The following RAP2A variants were observed in gnomAD, a reference collection of about 807,000 sequenced individuals.
The protein encoded by RAP2A is RAP2A, member of RAS oncogene family, also known as ras-related protein Rap-2a.
Under a neutral mutation model 15.1 loss-of-function variants are expected in RAP2A, and 5 were observed. The observed-to-expected ratio is 0.33, with a 90% CI of 0.17 to 0.70. The LOEUF is 0.70. Among genes scored for constraint, RAP2A ranks in the 30% least tolerant of loss-of-function variants. The pLI is 0.68. For synonymous variants in RAP2A, 110 were observed against 99.7 expected (o/e 1.10, Z -0.62); for missense variants, 111 against 240.3 (o/e 0.46, Z 3.56).
rs1202307501 is a variant in RAP2A at position 97,468,883 on chromosome 13, T to C, written c.*4441T>C. ...TCTGTTAGAGGTCCACGAATGAAAATATATGTAGCTAAAGGAGTAAGGTGC... is the reference window on the plus strand; with the variant it reads ...TCTGTTAGAGGTCCACGAATGAAAACATATGTAGCTAAAGGAGTAAGGTGC... On this transcript the variant is annotated 3_prime_UTR_variant, in exon 2 of 2. Coordinates refer to ENST00000245304, the MANE Select transcript of RAP2A (RefSeq NM_021033.7). 1 of 152,154 alleles carries C rather than the reference T, an allele frequency of 6.6e-6. No individual in the cohort carries two copies. Among genetic ancestry groups the C allele is most frequent in the African/African-American group, 2.4e-5 (1 of 41,448 alleles). The allele number at this position is 152,154 out of a possible 1,614,324, so 9.4% of individuals were successfully genotyped here. A position where few individuals can be genotyped will look rare whatever the true frequency, so the allele number is the denominator to read the frequency against.
chr13:97,434,526 T>C lies in RAP2A; in HGVS notation c.56T>C (p.Leu19Pro). The stretch of plus-strand genomic sequence containing the variant: ...TCGGGCGGGGTAGGCAAATCCGCCC[T>C]GACCGTGCAGTTCGTGACCGGCACC... The part of the protein sequence containing the change: ...LGSGGVGKSA[L>P]TVQFVTGTFI... The change falls in exon 1 of 2, where the codon CTG becomes CCG. Residue 19 changes from leucine (L) to proline (P), a missense_variant. By Grantham distance (98) the Leu-to-Pro change is moderately conservative (BLOSUM62 -3). This residue lies in a region of RAP2A where 20 missense variants were observed against 28.2 expected (regional missense o/e 0.71). Transcript: ENST00000245304. 1 of 1,613,864 alleles carries C rather than the reference T, an allele frequency of 6.2e-7. No homozygotes were observed. Among genetic ancestry groups the C allele is most frequent in the South Asian group, 1.1e-5 (1 of 91,074 alleles).
chr13:97,441,783 A>G (rs1285386343), intron 1 of RAP2A: 2 of 451,210 alleles, frequency 4.4e-6, no homozygotes, highest in Non-Finnish European at 8.9e-6. Context: ...TGTTGTAAAA[A>G]GAGTTTTAAG....
At chr13:97,449,983 T>A (rs1469548840) in intron 1 of RAP2A, among the ~76,000 whole-genome samples, 1 of 151,930 alleles carries the variant, frequency 6.6e-6, no homozygotes, top group Non-Finnish European at 1.5e-5. Context: ...TTTTTAAGTT[T>A]TATTTAGTGT....
At chr13:97,435,549 C>T (rs1401178240) in intron 1 of RAP2A, among the ~76,000 whole-genome samples, 1 of 148,022 alleles carries the variant, frequency 6.8e-6, no homozygotes, top group African/African-American at 2.5e-5. Flanking sequence ...AAAAGTGTGA[C>T]ACAAGTATTA....
chr13:97,452,896 G>T lies in RAP2A; in HGVS notation c.315-11309G>T, dbSNP rs1025265171. On this transcript the variant is annotated intron_variant, in intron 1 of 1. Transcript: ENST00000245304. ...TATTTTCAGTATTTGCTGTTCTTTG[G>T]TGCTACTGTAAATGGTTCATTTTAA... 2.0e-5 allele frequency among the ~76,000 whole-genome samples: 3 copies of T among 150,880 alleles called. No homozygotes were observed. In the South Asian group the frequency reaches 6.3e-4, roughly 32 times the overall value.
At chr13:97,454,173 T>C (rs1203783179) in intron 1 of RAP2A, among the ~76,000 whole-genome samples, 3 of 151,388 alleles carry the variant, frequency 2.0e-5, no homozygotes, top group Non-Finnish European at 2.9e-5. Context: ...TTATATGATA[T>C]ATCTTTTTCT....
chr13:97,443,932 C>T (rs531832507), intron 1 of RAP2A, among the ~76,000 whole-genome samples: 5 of 152,160 alleles, frequency 3.3e-5, no homozygotes, highest in East Asian at 1.9e-4. Flanking sequence ...CGTGAGATAA[C>T]GAACGTAAAG....
intron 1 of RAP2A, among the ~76,000 whole-genome samples, chr13:97,438,218 A>G (rs761118771): frequency 2.0e-4 from 31 of 152,202 alleles, no homozygotes; most frequent in Non-Finnish European, 4.4e-4. Context: ...AAGTTCTTGG[A>G]ACATGATATA....
At chr13:97,444,042 G>A (rs570788387) in intron 1 of RAP2A, among the ~76,000 whole-genome samples, 5 of 152,278 alleles carry the variant, frequency 3.3e-5, no homozygotes, top group East Asian at 1.9e-4. Context: ...ATACTGCCAC[G>A]TGACTTCTTA....
chr13:97,449,563 C>G (rs546726468), intron 1 of RAP2A, among the ~76,000 whole-genome samples: 19 of 152,138 alleles, frequency 1.2e-4, no homozygotes, highest in Non-Finnish European at 2.5e-4. Context: ...TCCCTTGCCC[C>G]ACAGTGAATT....
At position 97,468,236 on chromosome 13, in the gene RAP2A, A is replaced by G. The variant is rs2066781158; in HGVS notation, c.*3794A>G. 2 of 152,260 alleles carry G rather than the reference A, an allele frequency of 1.3e-5. No individual in the cohort carries two copies. The highest frequency in any genetic ancestry group is 4.8e-5 in the African/African-American group (2 of 41,474). 9.4% of individuals were successfully genotyped at this position (152,260 alleles called of 1,614,324 possible). A position where few individuals can be genotyped will look rare whatever the true frequency, so the allele number is the denominator to read the frequency against. On this transcript the variant is annotated 3_prime_UTR_variant, in exon 2 of 2. Transcript: ENST00000245304. ...TAAACTTATCTCTACAAATGATTTT[A>G]TATTTTGAATGGTAGCTGGTTAATT...
chr13:97,436,540 A>G (rs1283634458), intron 1 of RAP2A, among the ~76,000 whole-genome samples: 1 of 152,210 alleles, frequency 6.6e-6, no homozygotes, highest in Non-Finnish European at 1.5e-5. Flanking sequence ...ACCCATGGCT[A>G]ACTTCTTGAC....
chr13:97,454,373 T>G (rs1042764458), intron 1 of RAP2A, among the ~76,000 whole-genome samples: 1 of 151,306 alleles, frequency 6.6e-6, no homozygotes, highest in African/African-American at 2.4e-5. Context: ...TTTTTTCACC[T>G]GCTTATTTTT....
rs149231901 is a variant in RAP2A at position 97,458,914 on chromosome 13, G to A, written c.315-5291G>A. Among the ~76,000 whole-genome samples the A allele has an allele frequency of 2.1e-3, 316 of 152,102 alleles. 1 individual carries two copies. The highest frequency in any genetic ancestry group is 7.1e-3 in the African/African-American group (293 of 41,498). On this transcript the variant is annotated intron_variant, in intron 1 of 1. Transcript: ENST00000245304. Reference sequence around the variant, plus strand: ...GCCAGTATTTCTGATGTTTCATTCAGTCCATTAAGCAGAGCTGCTTAAAAG... The same window carrying A: ...GCCAGTATTTCTGATGTTTCATTCAATCCATTAAGCAGAGCTGCTTAAAAG...
intron 1 of RAP2A, among the ~76,000 whole-genome samples, chr13:97,441,345 A>G (rs2066656828): frequency 6.6e-6 from 1 of 152,162 alleles, no homozygotes; most frequent in South Asian, 2.1e-4. Flanking sequence ...ACATTAAGGA[A>G]GAGGTAGAGG....
At position 97,434,320 on chromosome 13, in the gene RAP2A, CGCCGGCGCCCAGGGGGCCGCCGCGGCT is replaced by C. The variant is rs2066622826; in HGVS notation, c.-149_-123del. 1.7e-5 allele frequency: 8 copies of C among 461,758 alleles called. No individual in the cohort carries two copies. The highest frequency in any genetic ancestry group is 2.2e-5 in the Non-Finnish European group (8 of 356,036). The allele number at this position is 461,758 out of a possible 1,614,324, so 28.6% of individuals were successfully genotyped here. On this transcript the variant is annotated 5_prime_UTR_variant, in exon 1 of 2. Coordinates refer to ENST00000245304, the MANE Select transcript of RAP2A (RefSeq NM_021033.7). ...CTGCTCCCTCAGTTGCCGCCGCCGC[CGCCGGCGCCCAGGGGGCCGCCGCGGCT>C]GTGAGGTGGGGGCGGCAGCGGGAGG... is the stretch of plus-strand genomic sequence containing the variant.
chr13:97,447,367 G>A (rs2066684204), intron 1 of RAP2A, among the ~76,000 whole-genome samples: 1 of 152,182 alleles, frequency 6.6e-6, no homozygotes, highest in Non-Finnish European at 1.5e-5. Flanking sequence ...AGGGTGTACT[G>A]TTTATAAAAG....
intron 1 of RAP2A, among the ~76,000 whole-genome samples, chr13:97,463,355 C>A (rs1038605509): frequency 1.3e-5 from 2 of 152,176 alleles, no homozygotes; most frequent in African/African-American, 4.8e-5. Context: ...TTTCTTATCA[C>A]TTACTATTTT....
intron 1 of RAP2A, among the ~76,000 whole-genome samples, chr13:97,452,879 G>A (rs1413664253): frequency 6.6e-6 from 1 of 151,062 alleles, no homozygotes; most frequent in Admixed American, 6.6e-5. Context: ...ATTATTTTCA[G>A]TATTTGCTGT....
Sources: allele counts gnomAD v4.1 joint callset (sites outside exome capture counted in the v4.1 genomes callset), GRCh38; gene constraint gnomAD v4.1.1; regional missense constraint gnomAD v4.1.1; transcripts MANE v1.5; gene names NCBI Gene and HGNC (gene_info 2026-07-23, HGNC 2026-07-21).